HSPB1: variants seen among roughly 807,000 people sequenced by gnomAD.
The protein encoded by HSPB1 is heat shock protein beta-1.
HSPB1 carries 19 observed loss-of-function variants against 17.0 expected under a neutral mutation model. The ratio of observed to expected loss-of-function variants is 1.12; its 90% CI spans 0.78 to 1.64. The LOEUF (loss-of-function observed/expected upper bound fraction) is 1.64. Among genes scored for constraint, HSPB1 ranks in the 40% most tolerant of loss-of-function variants. The pLI is 0.00. For synonymous variants in HSPB1, 165 were observed against 129.8 expected, an observed-to-expected ratio of 1.27 and a Z score of -1.84; for missense variants, 348 against 289.2, an observed-to-expected ratio of 1.20 and a Z score of -1.47.
At position 76,303,632 on chromosome 7, in the gene HSPB1, A is replaced by C. The variant is rs1051016225; in HGVS notation, c.365-170A>C. The C allele has an allele frequency of 1.5e-4, 96 of 643,720 alleles. 1 individual carries two copies. The East Asian group carries it at 2.5e-3, about 17-fold the overall frequency. 39.9% of individuals were successfully genotyped at this position (643,720 alleles called of 1,614,324 possible). On this transcript the variant is annotated intron_variant, in intron 1 of 2. Transcript: ENST00000248553. ...ACTCTGAATCGAAGAACTTTCCGGA[A>C]GTTTCTGAGAGCCCAGACCGGCGGG...
rs533051169 is a variant in HSPB1, at chr7:76,304,110, C to T, written c.555C>T (p.Phe185=). Residue 185 remains phenylalanine, a synonymous_variant, in exon 3 of 3, where the codon TTC becomes TTT. Transcript: ENST00000248553. The part of the protein sequence containing the change: ...QSNEITIPVT[F]ESRAQLGGPE... The stretch of plus-strand genomic sequence containing the variant: ...ACGAGATCACCATCCCAGTCACCTT[C>T]GAGTCGCGGGCCCAGCTTGGGGGCC... 32 of 1,613,482 alleles carry T rather than the reference C, an allele frequency of 2.0e-5. No homozygotes were observed. The highest frequency in any genetic ancestry group is 2.6e-5 in the Non-Finnish European group (31 of 1,179,802).
In HSPB1 at chr7:76,304,226, G is replaced by C; in HGVS notation, c.*53G>C. On this transcript the variant is annotated 3_prime_UTR_variant, in exon 3 of 3. Coordinates refer to ENST00000248553, the MANE Select transcript of HSPB1 (RefSeq NM_001540.5). The stretch of plus-strand genomic sequence containing the variant: ...TGCCGCCACTGGCTGTGCCTCCCCC[G>C]CCACCTGTGTGTTCTTTTGATACAT... 6.8e-7 allele frequency: 1 copy of C among 1,480,908 alleles called. No individual in the cohort carries two copies. The highest frequency in any genetic ancestry group is 9.3e-7 in the Non-Finnish European group (1 of 1,072,984). 91.7% of individuals were successfully genotyped at this position (1,480,908 alleles called of 1,614,324 possible).
In HSPB1 at chr7:76,303,629, G is replaced by A. The variant is rs564289839; in HGVS notation, c.365-173G>A. 249 of 644,022 alleles carry A rather than the reference G, an allele frequency of 3.9e-4. No homozygotes were observed. The South Asian group carries it at 4.4e-3, about 11-fold the overall frequency. 39.9% of individuals were successfully genotyped at this position (644,022 alleles called of 1,614,324 possible). ...AAAACTCTGAATCGAAGAACTTTCC[G>A]GAAGTTTCTGAGAGCCCAGACCGGC... On this transcript the variant is annotated intron_variant, in intron 1 of 2. Coordinates refer to ENST00000248553, the MANE Select transcript of HSPB1 (RefSeq NM_001540.5).
chr7:76,303,586 C>T, intron 1 of HSPB1: 2 of 613,692 alleles, frequency 3.3e-6, no homozygotes, highest in Non-Finnish European at 5.9e-6. Context: ...CAGCTCCGCG[C>T]CCTGCTCCGT....
At position 76,303,791 on chromosome 7, in the gene HSPB1, TC is replaced by T. The variant is rs759570569; in HGVS notation, c.365-5del. On this transcript the variant is annotated splice_polypyrimidine_tract_variant and intron_variant, in intron 1 of 2. Transcript: ENST00000248553. ...CTCCCCCGCAGTCTGATTTCCCTCT[TC>T]CCCCCAAAGGCAAGCACGAGGAGCG... 3.1e-5 allele frequency: 49 copies of T among 1,597,236 alleles called. No homozygotes were observed. The African/African-American group carries it at 6.0e-4, about 19-fold the overall frequency.
Position 76,303,805 on chromosome 7 carries a change from A to C in HSPB1, c.368A>C (p.Lys123Thr), listed in dbSNP as rs1455898327. The C allele has an allele frequency of 4.4e-6, 7 of 1,604,056 alleles. No homozygotes were observed. The South Asian group carries it at 7.7e-5, about 18-fold the overall frequency. Residue 123 changes from lysine to threonine, a missense_variant, in exon 2 of 3, where the codon AAG becomes ACG. Transcript: ENST00000248553. ...GATTTCCCTCTTCCCCCCAAAGGCA[A>C]GCACGAGGAGCGGCAGGACGAGCAT... ...TKDGVVEITG[K>T]HEERQDEHGY...
In HSPB1 at chr7:76,303,362, C is replaced by A. The variant is rs1009878287; in HGVS notation, c.364+286C>A. ...GGGCAACATAGCGAGACGCGCCCCC[C>A]CGCCCCGACCCCGCGCCATTACAAA... On this transcript the variant is annotated intron_variant, in intron 1 of 2. Coordinates refer to ENST00000248553, the MANE Select transcript of HSPB1 (RefSeq NM_001540.5). 5.8e-6 allele frequency: 3 copies of A among 517,660 alleles called. No homozygotes were observed. The African/African-American group carries it at 5.8e-5, about 10-fold the overall frequency. The allele number at this position is 517,660 out of a possible 1,614,324, so 32.1% of individuals were successfully genotyped here. A position where few individuals can be genotyped will look rare whatever the true frequency, so the allele number is the denominator to read the frequency against.
In HSPB1 at chr7:76,304,159, A is replaced by G. The variant is rs1388490606; in HGVS notation, c.604A>G (p.Thr202Ala). The G allele has an allele frequency of 1.9e-6, 3 of 1,610,992 alleles. No individual in the cohort carries two copies. Among genetic ancestry groups the G allele is most frequent in the East Asian group, 2.2e-5 (1 of 44,664 alleles). Residue 202 changes from threonine (T) to alanine (A), a missense_variant, in exon 3 of 3, where the codon ACT (threonine) becomes GCT (alanine). Physicochemically the swap from Thr to Ala is moderately conservative, Grantham distance 58. Coordinates refer to ENST00000248553, the MANE Select transcript of HSPB1 (RefSeq NM_001540.5). ...GGPEAAKSDE[T>A]AAK ...CCCAGAAGCTGCAAAATCCGATGAG[A>G]CTGCCGCCAAGTAAAGCCTTAGCCC...
In HSPB1 at chr7:76,302,690, C is replaced by T. The variant is rs774782849; in HGVS notation, c.-23C>T. 4 of 1,598,608 alleles carry T rather than the reference C, an allele frequency of 2.5e-6. No homozygotes were observed. The South Asian group carries it at 3.3e-5, about 13-fold the overall frequency. On this transcript the variant is annotated 5_prime_UTR_variant, in exon 1 of 3. In the 5' UTR this introduces an upstream ATG that the reference lacks. Coordinates refer to ENST00000248553, the MANE Select transcript of HSPB1 (RefSeq NM_001540.5). ...AGCGCCCCGCACTTTTCTGAGCAGACGTCCAGAGCAGAGTCAGCCAGCATG... is the reference window on the plus strand; with the variant it reads ...AGCGCCCCGCACTTTTCTGAGCAGATGTCCAGAGCAGAGTCAGCCAGCATG...
intron 2 of HSPB1, 52 bp from the exon 3 acceptor site, chr7:76,303,932 G>T: frequency 5.6e-6 from 9 of 1,611,346 alleles, no homozygotes; most frequent in Non-Finnish European, 7.6e-6. Flanking sequence ...GAGGGCACAG[G>T]GACCCACCCG....
chr7:76,303,088 T>G lies in HSPB1; in HGVS notation c.364+12T>G. On this transcript the variant is annotated intron_variant, in intron 1 of 2. Transcript: ENST00000248553. ...GGTGGAGATCACCGGTGAGCCCCCCTGCTCCTGCAGGGGAGAGGAGGAGGC... is the reference window on the plus strand; with the variant it reads ...GGTGGAGATCACCGGTGAGCCCCCCGGCTCCTGCAGGGGAGAGGAGGAGGC... The G allele has an allele frequency of 6.6e-7, 1 of 1,515,396 alleles. No homozygotes were observed. Among genetic ancestry groups the G allele is most frequent in the Non-Finnish European group, 8.8e-7 (1 of 1,132,020 alleles). 93.9% of individuals were successfully genotyped at this position (1,515,396 alleles called of 1,614,324 possible).
chr7:76,303,955 A>G, intron 2 of HSPB1, 29 bp from the exon 3 acceptor site: 1 of 1,612,884 alleles, frequency 6.2e-7, no homozygotes, highest in African/African-American at 1.3e-5. Flanking sequence ...GTGTAATGTA[A>G]CGCTTGCCTT....
intron 1 of HSPB1, 122 bp from the exon 2 acceptor site, chr7:76,303,678 CCT>C (rs1803053653): frequency 6.9e-6 from 5 of 723,144 alleles, no homozygotes; most frequent in South Asian, 1.6e-5. Flanking sequence ...TCCCCAACCC[CCT>C]CTGTTAATCC....
At position 76,304,007 on chromosome 7, in the gene HSPB1, C is replaced by G. The variant is rs28937568; in HGVS notation, c.452C>G (p.Thr151Ser). The G allele has an allele frequency of 6.2e-6, 10 of 1,613,908 alleles. No individual in the cohort carries two copies. Among genetic ancestry groups the G allele is most frequent in the East Asian group, 2.2e-5 (1 of 44,884 alleles). The change falls in exon 3 of 3, where the codon ACC becomes AGC. Residue 151 changes from threonine (T) to serine (S), a missense_variant. Coordinates refer to ENST00000248553, the MANE Select transcript of HSPB1 (RefSeq NM_001540.5). ...AGGCTGCCCCCCGGTGTGGACCCCA[C>G]CCAAGTTTCCTCCTCCCTGTCCCCT... ...KYTLPPGVDP[T>S]QVSSSLSPEG... is the part of the protein sequence containing the mutation.
Position 76,302,945 on chromosome 7 carries a change from G to T in HSPB1, c.233G>T (p.Ser78Ile), listed in dbSNP as rs1469057340. ...VAAPAYSRALSRQLSSGVSEI... is the reference protein window; with the variant it reads ...VAAPAYSRALIRQLSSGVSEI... Reference sequence around the variant, plus strand: ...GCGCCCGCCTACAGCCGCGCGCTCAGCCGGCAACTCAGCAGCGGGGTCTCG... The same window carrying T: ...GCGCCCGCCTACAGCCGCGCGCTCATCCGGCAACTCAGCAGCGGGGTCTCG... The change falls in exon 1 of 3, where the codon AGC becomes ATC. Residue 78 changes from serine (S) to isoleucine (I), a missense_variant. Physicochemically the swap from Ser to Ile is moderately radical, Grantham distance 142. Transcript: ENST00000248553. 1.3e-6 allele frequency: 2 copies of T among 1,545,058 alleles called. No homozygotes were observed. Among genetic ancestry groups the T allele is most frequent in the African/African-American group, 1.4e-5 (1 of 73,552 alleles).
chr7:76,303,066 G>A lies in HSPB1; in HGVS notation c.354G>A (p.Val118=), dbSNP rs1803031823. 2 of 1,528,764 alleles carry A rather than the reference G, an allele frequency of 1.3e-6. No individual in the cohort carries two copies. Among genetic ancestry groups the A allele is most frequent in the Non-Finnish European group, 1.8e-6 (2 of 1,139,344 alleles). 94.7% of individuals were successfully genotyped at this position (1,528,764 alleles called of 1,614,324 possible). A position where few individuals can be genotyped will look rare whatever the true frequency, so the allele number is the denominator to read the frequency against. Residue 118 remains valine, a synonymous_variant, in exon 1 of 3, where the codon GTG becomes GTA. Transcript: ENST00000248553. ...CGGTCAAGACCAAGGATGGCGTGGT[G>A]GAGATCACCGGTGAGCCCCCCTGCT... ...ELTVKTKDGV[V]EITGKHEERQ...
In HSPB1 at chr7:76,302,835, G is replaced by A. The variant is rs11547167; in HGVS notation, c.123G>A (p.Glu41=). 1 of 1,602,424 alleles carries A rather than the reference G, an allele frequency of 6.2e-7. No individual in the cohort carries two copies. The highest frequency in any genetic ancestry group is 8.5e-7 in the Non-Finnish European group (1 of 1,177,460). ...TCGGGCTGCCCCGGCTGCCGGAGGA[G>A]TGGTCGCAGTGGTTAGGCGGCAGCA... The part of the protein sequence containing the change: ...QAFGLPRLPE[E]WSQWLGGSSW... The change falls in exon 1 of 3, where the codon GAG becomes GAA. Residue 41 remains glutamate (E), a synonymous_variant. Transcript: ENST00000248553.
In HSPB1 at chr7:76,304,288, C is replaced by G; in HGVS notation, c.*115C>G. ...TTTTCTCAAATAAAGTTCAAAGCAA[C>G]CACCTGTCACTGGCCCAGGCCCTGG... On this transcript the variant is annotated 3_prime_UTR_variant, in exon 3 of 3. Coordinates refer to ENST00000248553, the MANE Select transcript of HSPB1 (RefSeq NM_001540.5). 1 of 1,101,098 alleles carries G rather than the reference C, an allele frequency of 9.1e-7. No individual in the cohort carries two copies. Among genetic ancestry groups the G allele is most frequent in the Non-Finnish European group, 1.4e-6 (1 of 738,248 alleles). The allele number at this position is 1,101,098 out of a possible 1,614,324, so 68.2% of individuals were successfully genotyped here.
chr7:76,304,227 C>CCA lies in HSPB1; in HGVS notation c.*56_*57dup, dbSNP rs1803078765. Reference sequence around the variant, plus strand: ...GCCGCCACTGGCTGTGCCTCCCCCGCCACCTGTGTGTTCTTTTGATACATT... The same window carrying CCA: ...GCCGCCACTGGCTGTGCCTCCCCCGCCACACCTGTGTGTTCTTTTGATACATT... On this transcript the variant is annotated 3_prime_UTR_variant, in exon 3 of 3. Transcript: ENST00000248553. The CCA allele has an allele frequency of 2.7e-6, 4 of 1,478,534 alleles. No homozygotes were observed. Among genetic ancestry groups the CCA allele is most frequent in the Non-Finnish European group, 3.7e-6 (4 of 1,071,086 alleles). 91.6% of individuals were successfully genotyped at this position (1,478,534 alleles called of 1,614,324 possible). A position where few individuals can be genotyped will look rare whatever the true frequency, so the allele number is the denominator to read the frequency against.
Sources: allele counts gnomAD v4.1 joint callset, GRCh38; gene constraint gnomAD v4.1.1; transcripts MANE v1.5; gene names NCBI Gene and HGNC (gene_info 2026-07-23, HGNC 2026-07-21).